TXNRD3: variants seen among roughly 807,000 people sequenced by gnomAD.
TXNRD3 encodes the protein TXNRD3 neighbor gene protein.
Under a neutral mutation model 78.2 loss-of-function variants are expected in TXNRD3, and 68 were observed. That is an observed-to-expected ratio of 0.87 (90% CI 0.72 to 1.06). The LOEUF (loss-of-function observed/expected upper bound fraction) is 1.06, where lower values mean the gene tolerates loss of function less well. TXNRD3 is among the 50% of genes least tolerant of loss of function. The pLI, the probability that TXNRD3 is intolerant of heterozygous loss-of-function variation, is 0.00. For missense variants in TXNRD3, 751 were observed against 809.5 expected, an observed-to-expected ratio of 0.93 and a Z score of 0.88; for synonymous variants, 296 against 300.1, an observed-to-expected ratio of 0.99 and a Z score of 0.14.
chr3:126,625,987 G>C (rs1421436147), intron 10 of TXNRD3: 1 of 152,718 alleles, frequency 6.5e-6, no homozygotes, highest in Non-Finnish European at 1.5e-5. Context: ...GCTTCGAGAT[G>C]ATCTGCCAGC....
chr3:126,638,461 C>T lies in TXNRD3; in HGVS notation c.712+3571G>A, dbSNP rs117768674. Among the ~76,000 whole-genome samples, 6 of 152,222 alleles carry T rather than the reference C, an allele frequency of 3.9e-5. No homozygotes were observed. In the East Asian group the frequency reaches 7.7e-4, roughly 20 times the overall value. ...ACTTAGAAAGCATTTTAGCCGGGCA[C>T]GGTGGCTCATGTCTGCAATCCCAGC... On this transcript the variant is annotated intron_variant, in intron 6 of 15. Coordinates refer to ENST00000524230, the MANE Select transcript of TXNRD3 (RefSeq NM_052883.3).
chr3:126,618,786 T>C (rs1938374662), intron 12 of TXNRD3, among the ~76,000 whole-genome samples: 1 of 140,044 alleles, frequency 7.1e-6, no homozygotes, highest in Non-Finnish European at 1.5e-5. Context: ...AACTGTAAAA[T>C]GGGAGAAAAT....
chr3:126,655,014 G>T lies in TXNRD3; in HGVS notation c.-24C>A. 7.7e-7 allele frequency: 1 copy of T among 1,295,704 alleles called. No homozygotes were observed. The highest frequency in any genetic ancestry group is 2.3e-5 in the South Asian group (1 of 43,852). The allele number at this position is 1,295,704 out of a possible 1,614,324, so 80.3% of individuals were successfully genotyped here. The stretch of plus-strand genomic sequence containing the variant: ...AGAGTCTCGCTCTCGCTCCTGGCCC[G>T]GCCGGGCCTGCTCACAAACCGAAAC... On this transcript the variant is annotated 5_prime_UTR_variant, in exon 1 of 16. Transcript: ENST00000524230.
chr3:126,615,947 T>C (rs1938310251), intron 12 of TXNRD3, among the ~76,000 whole-genome samples: 1 of 152,144 alleles, frequency 6.6e-6, no homozygotes, highest in South Asian at 2.1e-4. Flanking sequence ...GGTGCTGGAC[T>C]AAGTGTTCTT....
At chr3:126,648,387 T>C (rs984049367) in intron 1 of TXNRD3, among the ~76,000 whole-genome samples, 2 of 152,164 alleles carry the variant, frequency 1.3e-5, no homozygotes, top group African/African-American at 4.8e-5. Flanking sequence ...AAAATTCATA[T>C]GGAATTTCAA....
intron 13 of TXNRD3, among the ~76,000 whole-genome samples, chr3:126,614,180 T>A (rs1371952778): frequency 1.3e-5 from 2 of 152,212 alleles, no homozygotes; most frequent in Non-Finnish European, 2.9e-5. Flanking sequence ...TGTGTTTGTG[T>A]TTCTCTATAA....
chr3:126,628,755 T>C (rs1938639240), intron 10 of TXNRD3, among the ~76,000 whole-genome samples: 1 of 152,144 alleles, frequency 6.6e-6, no homozygotes, highest in Non-Finnish European at 1.5e-5. Flanking sequence ...CAAATTTTCC[T>C]ATATATCCAA....
intron 13 of TXNRD3, among the ~76,000 whole-genome samples, chr3:126,611,973 C>T (rs1364618118): frequency 6.6e-6 from 1 of 152,098 alleles, no homozygotes; most frequent in African/African-American, 2.4e-5. Context: ...TAGCCAAAAA[C>T]AAAATTGATT....
intron 6 of TXNRD3, among the ~76,000 whole-genome samples, 166 bp downstream of exon 6, chr3:126,641,866 G>A (rs376708631): frequency 6.0e-4 from 91 of 152,276 alleles, no homozygotes; most frequent in East Asian, 3.1e-3. Context: ...CCACAAGAGC[G>A]GGGGGCCCTT....
intron 14 of TXNRD3, 88 bp downstream of exon 14, chr3:126,610,948 TA>T (rs796461903): frequency 0.023 from 15,874 of 704,598 alleles, no homozygotes; most frequent in South Asian, 0.031. Flanking sequence ...ATCCCGTCTC[TA>T]AAAAAAAAAA....
At chr3:126,649,588 A>G (rs1046351121) in intron 1 of TXNRD3, among the ~76,000 whole-genome samples, 2 of 152,264 alleles carry the variant, frequency 1.3e-5, no homozygotes, top group Admixed American at 6.5e-5. Context: ...AGGTGGAAGC[A>G]ATGCAAGTGA....
intron 7 of TXNRD3, among the ~76,000 whole-genome samples, chr3:126,632,455 G>C (rs1335363383): frequency 6.6e-6 from 1 of 151,884 alleles, no homozygotes; most frequent in Non-Finnish European, 1.5e-5. Flanking sequence ...TCAGGAGTTC[G>C]AGACCAGCCT....
intron 10 of TXNRD3, chr3:126,624,957 A>G (rs1343910767): frequency 5.2e-6 from 1 of 193,982 alleles, no homozygotes; most frequent in Admixed American, 4.7e-5. Context: ...TGCACTAGGA[A>G]TATTTAATAG....
chr3:126,647,136 C>A, intron 2 of TXNRD3, 100 bp downstream of exon 2: 1 of 926,522 alleles, frequency 1.1e-6, no homozygotes, highest in Non-Finnish European at 1.5e-6. Context: ...TCATTTAACC[C>A]GAAGACAAGA....
chr3:126,634,094 C>T lies in TXNRD3; in HGVS notation c.713-43G>A. 5.7e-6 allele frequency: 8 copies of T among 1,415,354 alleles called. No individual in the cohort carries two copies. The South Asian group carries it at 1.1e-4, about 20-fold the overall frequency. The allele number at this position is 1,415,354 out of a possible 1,614,324, so 87.7% of individuals were successfully genotyped here. A position where few individuals can be genotyped will look rare whatever the true frequency, so the allele number is the denominator to read the frequency against. On this transcript the variant is annotated intron_variant, in intron 6 of 15. Transcript: ENST00000524230. ...GGGTGAAGATGTTAGGTGAATTTTACCTTTAATGGTAAATTACATATAACC... is the reference window on the plus strand; with the variant it reads ...GGGTGAAGATGTTAGGTGAATTTTATCTTTAATGGTAAATTACATATAACC...
At chr3:126,625,386 A>G (rs1357132538) in intron 10 of TXNRD3, among the ~76,000 whole-genome samples, 2 of 141,614 alleles carry the variant, frequency 1.4e-5, no homozygotes, top group Non-Finnish European at 3.0e-5. Context: ...ATTCCCACCT[A>G]TGAGTGAGAA....
chr3:126,654,025 T>TA (rs376083520), intron 1 of TXNRD3, among the ~76,000 whole-genome samples: 4,999 of 131,876 alleles, frequency 0.038, 107 homozygotes, highest in Non-Finnish European at 0.052. Context: ...GGTAAAAATG[T>TA]AAAAAAAAAA....
In TXNRD3 at chr3:126,608,529, G is replaced by A. The variant is rs1434081770; in HGVS notation, c.1833C>T (p.Asp611=). 6.5e-7 allele frequency: 1 copy of A among 1,535,766 alleles called. No individual in the cohort carries two copies. The highest frequency in any genetic ancestry group is 2.4e-5 in the East Asian group (1 of 40,902). Reference sequence around the variant, plus strand: ...CACATGTGGGGTGAATTCCAATGGTGTCATCAAGTAGCTGTTTTGTGAGCC... The same window carrying A: ...CACATGTGGGGTGAATTCCAATGGTATCATCAAGTAGCTGTTTTGTGAGCC... Residue 611 remains aspartate, a synonymous_variant, in exon 15 of 16, where the codon GAC becomes GAT. Transcript: ENST00000524230.
In TXNRD3 at chr3:126,654,752, G is replaced by C; in HGVS notation, c.239C>G (p.Thr80Ser). Residue 80 changes from threonine to serine, a missense_variant, in exon 1 of 16, where the codon ACT becomes AGT. Physicochemically the swap from Thr to Ser is moderately conservative, Grantham distance 58. Transcript: ENST00000524230. ...ACCGGCGAGGGCCGCGCCTACCCGA[G>C]TACTATGGGGACAGTAGCTCTTGCT... 1 of 1,375,998 alleles carries C rather than the reference G, an allele frequency of 7.3e-7. No homozygotes were observed. Among genetic ancestry groups the C allele is most frequent in the Non-Finnish European group, 9.4e-7 (1 of 1,063,224 alleles). The allele number at this position is 1,375,998 out of a possible 1,614,324, so 85.2% of individuals were successfully genotyped here. A position where few individuals can be genotyped will look rare whatever the true frequency, so the allele number is the denominator to read the frequency against.
Sources: allele counts gnomAD v4.1 joint callset (sites outside exome capture counted in the v4.1 genomes callset), GRCh38; gene constraint gnomAD v4.1.1; transcripts MANE v1.5; gene names NCBI Gene and HGNC (gene_info 2026-07-23, HGNC 2026-07-21).